Variants in MCM3AP observed in about 807,000 individuals in gnomAD.
MCM3AP encodes the protein germinal-center associated nuclear protein.
Under a neutral mutation model 184.1 loss-of-function variants are expected in MCM3AP, and 126 were observed. The observed-to-expected ratio is 0.68, with a 90% CI of 0.59 to 0.79. The LOEUF (loss-of-function observed/expected upper bound fraction) is 0.79, where lower values mean the gene tolerates loss of function less well. MCM3AP is among the 30% of genes least tolerant of loss of function. The pLI, the probability that MCM3AP is intolerant of heterozygous loss-of-function variation, is 0.00. For synonymous variants in MCM3AP, 1,002 were observed against 979.3 expected (o/e 1.02, Z -0.43); for missense variants, 2,496 against 2,479.2 (o/e 1.01, Z -0.14).
rs1601518089 is a variant in MCM3AP at position 46,260,692 on chromosome 21, G to T, written c.3581+101C>A. 3 of 793,148 alleles carry T rather than the reference G, an allele frequency of 3.8e-6. No homozygotes were observed. In the East Asian group the frequency reaches 7.4e-5, roughly 20 times the overall value. The allele number at this position is 793,148 out of a possible 1,614,324, so 49.1% of individuals were successfully genotyped here. ...AAATCAAAGTAGCTTAGACAGGCAA[G>T]ATCCATTTCCAATAGCCCATCCTCA... On this transcript the variant is annotated intron_variant, in intron 15 of 27. Transcript: ENST00000291688.
intron 22 of MCM3AP, among the ~76,000 whole-genome samples, chr21:46,245,406 G>A (rs2080749084): frequency 6.6e-6 from 1 of 152,108 alleles, no homozygotes; most frequent in African/African-American, 2.4e-5. Context: ...GGGCACTAAA[G>A]AGAGCCCCCA....
intron 20 of MCM3AP, among the ~76,000 whole-genome samples, chr21:46,248,647 C>T (rs779463354): frequency 1.5e-4 from 22 of 148,232 alleles, no homozygotes; most frequent in South Asian, 4.2e-4. Context: ...CCAGATAATA[C>T]GTGAACCAAA....
rs2839165 is a variant in MCM3AP at position 46,235,627 on chromosome 21, G to C, written c.5785-201C>G. ...TTCAGCTGGTATCTGTATATAGACT[G>C]TTTGCCTTTGTATTCTATCATGAAC... On this transcript the variant is annotated intron_variant, in intron 27 of 27. Transcript: ENST00000291688. 0.093 allele frequency among the ~76,000 whole-genome samples: 14,115 copies of C among 152,182 alleles called. 824 individuals carry two copies. Among genetic ancestry groups the C allele is most frequent in the African/African-American group, 0.15 (6,329 of 41,496 alleles).
chr21:46,275,810 T>C (rs141544912), intron 5 of MCM3AP, among the ~76,000 whole-genome samples: 3 of 152,352 alleles, frequency 2.0e-5, no homozygotes, highest in Admixed American at 1.3e-4. Flanking sequence ...ATGACTTTAA[T>C]ATAAGAATCA....
intron 13 of MCM3AP, among the ~76,000 whole-genome samples, chr21:46,263,191 T>A (rs1601521984): frequency 6.7e-6 from 1 of 149,572 alleles, no homozygotes; most frequent in Non-Finnish European, 1.5e-5. Flanking sequence ...TTAGCCAGGC[T>A]TGGTGACAGG....
At chr21:46,243,334 G>A (rs2080705588) in intron 24 of MCM3AP, 131 bp downstream of exon 24, 1 of 1,088,446 alleles carries the variant, frequency 9.2e-7, no homozygotes, top group Non-Finnish European at 1.3e-6. Context: ...CTTGAAGAGG[G>A]AAGTCCTAAG....
chr21:46,259,318 TGGTGGCGGGCGCC>T (rs2081006072), intron 15 of MCM3AP: 4 of 336,878 alleles, frequency 1.2e-5, no homozygotes. Flanking sequence ...TAGCCTGGTG[TGGTGGCGGGCGCC>T]TGTAGTCCCA....
chr21:46,279,009 T>C (rs1057143311), intron 4 of MCM3AP, among the ~76,000 whole-genome samples: 1 of 144,132 alleles, frequency 6.9e-6, no homozygotes, highest in South Asian at 2.2e-4. Flanking sequence ...AAAAAAAAAG[T>C]AATGCTGGAA....
intron 12 of MCM3AP, among the ~76,000 whole-genome samples, chr21:46,264,801 G>A (rs2081088234): frequency 7.1e-6 from 1 of 140,570 alleles, no homozygotes; most frequent in East Asian, 2.1e-4. Context: ...AGCCACCCCA[G>A]CCATGCCCAT....
chr21:46,256,834 A>G lies in MCM3AP; in HGVS notation c.3887T>C (p.Leu1296Pro). Residue 1296 changes from leucine (L) to proline (P), a missense_variant, in exon 17 of 28, where the codon CTC (leucine) becomes CCC (proline). This residue lies in a region of MCM3AP where 1,323 missense variants were observed against 1,273.4 expected (regional missense o/e 1.04). Transcript: ENST00000291688. ...TCTCCCTGCATGGCCCAGGTCCAGG[A>G]GGCCCCTGGCCAGGTTCTCTTCAGC... ...PIAEENLARG[L>P]LDLGHAGRLG... 1 of 1,568,298 alleles carries G rather than the reference A, an allele frequency of 6.4e-7. No homozygotes were observed. The highest frequency in any genetic ancestry group is 8.6e-7 in the Non-Finnish European group (1 of 1,156,454).
intron 25 of MCM3AP, chr21:46,242,010 G>A (rs1224576853): frequency 2.6e-5 from 4 of 151,918 alleles, no homozygotes; most frequent in African/African-American, 9.7e-5. Flanking sequence ...TTGTGAATGA[G>A]AATTTTTTTT....
At chr21:46,263,996 G>A in intron 13 of MCM3AP, 121 bp downstream of exon 13, 1 of 601,266 alleles carries the variant, frequency 1.7e-6, no homozygotes, top group Non-Finnish European at 3.0e-6. Context: ...ACTGTATCTG[G>A]CAATAACTTA....
intron 9 of MCM3AP, 36 bp from the exon 10 acceptor site, chr21:46,267,178 G>A (rs368713570): frequency 1.0e-4 from 167 of 1,595,302 alleles, no homozygotes; most frequent in Middle Eastern, 1.7e-4. Context: ...AGTCTCAGAC[G>A]AAGGCCCAGT....
chr21:46,255,986 C>T (rs1041634997), intron 17 of MCM3AP, among the ~76,000 whole-genome samples: 1 of 152,210 alleles, frequency 6.6e-6, no homozygotes, highest in Admixed American at 6.5e-5. Context: ...CGGCGCAGAA[C>T]CTGATGGGGC....
intron 22 of MCM3AP, 58 bp from the exon 23 acceptor site, chr21:46,245,255 T>G: frequency 6.6e-7 from 1 of 1,518,106 alleles, no homozygotes; most frequent in Non-Finnish European, 8.9e-7. Flanking sequence ...AAAACAGCTT[T>G]CTGAAAGGGC....
At position 46,285,386 on chromosome 21, in the gene MCM3AP, T is replaced by C; in HGVS notation, c.-100A>G. ...GCACTAGGGAGTTCCCCTTCGTCTT[T>C]AGAACAAGCTGAAAGAGAAAAATTC... is the stretch of plus-strand genomic sequence containing the variant. On this transcript the variant is annotated 5_prime_UTR_variant, in exon 1 of 28. Coordinates refer to ENST00000291688, the MANE Select transcript of MCM3AP (RefSeq NM_003906.5). The C allele has an allele frequency of 2.6e-6, 2 of 764,922 alleles. No homozygotes were observed. The highest frequency in any genetic ancestry group is 4.4e-6 in the Non-Finnish European group (2 of 455,976). 47.4% of individuals were successfully genotyped at this position (764,922 alleles called of 1,614,324 possible).
Position 46,284,219 on chromosome 21 carries a change from G to C in MCM3AP, c.1068C>G (p.Gly356=). ...CAGTTTCCTTTTTGGCCTCCTTGTT[G>C]CCCAGACGACCTACTTCCTTATTGC... ...FKSNKEVGRL[G]NKEAKKETGF... is the part of the protein sequence containing the mutation. The change falls in exon 1 of 28, where the codon GGC becomes GGG. Residue 356 remains glycine, a synonymous_variant. Coordinates refer to ENST00000291688, the MANE Select transcript of MCM3AP (RefSeq NM_003906.5). 3.1e-6 allele frequency: 5 copies of C among 1,614,194 alleles called. No homozygotes were observed. In the South Asian group the frequency reaches 5.5e-5, roughly 18 times the overall value.
intron 17 of MCM3AP, among the ~76,000 whole-genome samples, chr21:46,256,204 G>A (rs1329627621): frequency 6.6e-6 from 1 of 152,178 alleles, no homozygotes; most frequent in African/African-American, 2.4e-5. Flanking sequence ...GCCCAGCATG[G>A]CCAGGAATGC....
chr21:46,270,867 G>A (rs576945771), intron 8 of MCM3AP, among the ~76,000 whole-genome samples: 9 of 152,260 alleles, frequency 5.9e-5, no homozygotes, highest in East Asian at 5.8e-4. Context: ...GAAATGTGCC[G>A]TTAAATTCAT....
Sources: allele counts gnomAD v4.1 joint callset (sites outside exome capture counted in the v4.1 genomes callset), GRCh38; gene constraint gnomAD v4.1.1; regional missense constraint gnomAD v4.1.1; transcripts MANE v1.5; gene names NCBI Gene and HGNC (gene_info 2026-07-23, HGNC 2026-07-21).